Variants in SLC16A7 observed in about 807,000 individuals in gnomAD.
The protein encoded by SLC16A7 is solute carrier family 16 member 7, also known as monocarboxylate transporter 2.
In SLC16A7, 33 loss-of-function variants were observed where a neutral mutation model predicts 34.9. The ratio of observed to expected loss-of-function variants is 0.94; its 90% CI spans 0.72 to 1.26. The LOEUF is 1.26. SLC16A7 is among the 50% of genes most tolerant of loss of function. SLC16A7 has a pLI of 0.00. For synonymous variants in SLC16A7, 201 were observed against 206.6 expected, an observed-to-expected ratio of 0.97 and a Z score of 0.23; for missense variants, 573 against 578.1, an observed-to-expected ratio of 0.99 and a Z score of 0.09.
intron 2 of SLC16A7, chr12:59,689,569 A>T (rs891855100): frequency 6.6e-6 from 1 of 151,978 alleles, no homozygotes; most frequent in Non-Finnish European, 1.5e-5. Flanking sequence ...GAATCTCATC[A>T]TTGATATCAG....
intron 1 of SLC16A7, among the ~76,000 whole-genome samples, chr12:59,651,409 G>A (rs1326198687): frequency 2.6e-5 from 4 of 152,046 alleles, no homozygotes; most frequent in Admixed American, 2.6e-4. Context: ...CTTGCTTAGA[G>A]ATTTTAAGTT....
chr12:59,716,502 A>G (rs546734762), intron 3 of SLC16A7, among the ~76,000 whole-genome samples: 22 of 152,318 alleles, frequency 1.4e-4, no homozygotes, highest in Non-Finnish European at 2.2e-4. Flanking sequence ...AAATTTTCCA[A>G]TCTTCTCCCA....
chr12:59,752,089 C>A (rs1879655417), intron 3 of SLC16A7, among the ~76,000 whole-genome samples: 1 of 152,058 alleles, frequency 6.6e-6, no homozygotes, highest in African/African-American at 2.4e-5. Flanking sequence ...AGGACATCCA[C>A]ACCAAAAACC....
At chr12:59,762,016 T>C (rs1463325971) in intron 3 of SLC16A7, among the ~76,000 whole-genome samples, 1 of 152,070 alleles carries the variant, frequency 6.6e-6, no homozygotes, top group Non-Finnish European at 1.5e-5. Flanking sequence ...CCATCTTTCT[T>C]TGGGCCCTCA....
intron 1 of SLC16A7, among the ~76,000 whole-genome samples, chr12:59,608,417 G>A (rs1019660092): frequency 6.6e-6 from 1 of 152,316 alleles, no homozygotes. Context: ...GGCAGAAACT[G>A]CAGAATTGTT....
Position 59,779,689 on chromosome 12 carries a change from CATCTCTG to C in SLC16A7, c.*13_*19del. On this transcript the variant is annotated 3_prime_UTR_variant, in exon 6 of 6. Transcript: ENST00000547379. The stretch of plus-strand genomic sequence containing the variant: ...AGAAACTAACATTTAACAAGAATCA[CATCTCTG>C]ATTTCAGTGTTTATGACTTTATCTA... The C allele has an allele frequency of 6.3e-7, 1 of 1,598,202 alleles. No homozygotes were observed. Among genetic ancestry groups the C allele is most frequent in the Non-Finnish European group, 8.5e-7 (1 of 1,170,348 alleles).
chr12:59,740,802 C>G lies in SLC16A7; in HGVS notation c.218-30417C>G, dbSNP rs1298356246. On this transcript the variant is annotated intron_variant, in intron 3 of 5. Coordinates refer to ENST00000547379, the MANE Select transcript of SLC16A7 (RefSeq NM_001270623.2). ...GTTTGCAGATGACATGACTGTATATCTAGAAAACCCCAATGTCTCAGCCCA... is the reference window on the plus strand; with the variant it reads ...GTTTGCAGATGACATGACTGTATATGTAGAAAACCCCAATGTCTCAGCCCA... 5.3e-5 allele frequency among the ~76,000 whole-genome samples: 8 copies of G among 152,168 alleles called. No individual in the cohort carries two copies. In the East Asian group the frequency reaches 1.5e-3, roughly 29 times the overall value.
intron 1 of SLC16A7, among the ~76,000 whole-genome samples, chr12:59,641,011 A>G (rs1374509862): frequency 6.6e-6 from 1 of 152,040 alleles, no homozygotes; most frequent in African/African-American, 2.4e-5. Context: ...AAAAATATAT[A>G]TATTTATATG....
chr12:59,690,029 A>G (rs1275986132), intron 2 of SLC16A7, among the ~76,000 whole-genome samples: 1 of 151,984 alleles, frequency 6.6e-6, no homozygotes, highest in Non-Finnish European at 1.5e-5. Context: ...GTAAGATTTC[A>G]TTCCTAGAAA....
intron 1 of SLC16A7, among the ~76,000 whole-genome samples, chr12:59,635,214 C>T (rs1428270623): frequency 2.0e-5 from 3 of 152,050 alleles, no homozygotes; most frequent in African/African-American, 7.2e-5. Context: ...CTATAAATCT[C>T]AGCTTGGAGT....
Position 59,706,362 on chromosome 12 carries a change from C to CTGTGTGTG in SLC16A7, c.217+1360_217+1367dup, listed in dbSNP as rs35397986. 3.2e-3 allele frequency among the ~76,000 whole-genome samples: 487 copies of CTGTGTGTG among 150,212 alleles called. 5 individuals carry two copies. The highest frequency in any genetic ancestry group is 0.02 in the South Asian group (95 of 4,730). On this transcript the variant is annotated intron_variant, in intron 3 of 5. Coordinates refer to ENST00000547379, the MANE Select transcript of SLC16A7 (RefSeq NM_001270623.2). ...AAACAGTTGATCCTGAAATAATTCC[C>CTGTGTGTG]TGTGTGTGTGTGTGTGTGTGTGTTT... is the stretch of plus-strand genomic sequence containing the variant.
chr12:59,738,645 C>G (rs1322960621), intron 3 of SLC16A7, among the ~76,000 whole-genome samples: 1 of 152,198 alleles, frequency 6.6e-6, no homozygotes. Context: ...GGGTTTATGG[C>G]AGGGAATAGT....
intron 5 of SLC16A7, among the ~76,000 whole-genome samples, chr12:59,775,996 G>A (rs1008850889): frequency 2.0e-5 from 3 of 152,116 alleles, no homozygotes; most frequent in South Asian, 2.1e-4. Flanking sequence ...TATAGAGAAA[G>A]ACAGGGATGA....
chr12:59,654,616 CATT>C (rs1426050101), intron 1 of SLC16A7, among the ~76,000 whole-genome samples: 1 of 151,612 alleles, frequency 6.6e-6, no homozygotes, highest in Non-Finnish European at 1.5e-5. Flanking sequence ...TTAATTAAGA[CATT>C]AATGTAAATA....
chr12:59,765,905 T>A (rs1319622401), intron 3 of SLC16A7, among the ~76,000 whole-genome samples: 1 of 152,144 alleles, frequency 6.6e-6, no homozygotes, highest in Non-Finnish European at 1.5e-5. Flanking sequence ...TGGCATTGAA[T>A]CTATAAATTA....
At chr12:59,738,262 G>T (rs1005578832) in intron 3 of SLC16A7, among the ~76,000 whole-genome samples, 7 of 152,030 alleles carry the variant, frequency 4.6e-5, no homozygotes, top group Non-Finnish European at 8.8e-5. Flanking sequence ...TTCTGCCAAG[G>T]AATTATTTTA....
intron 1 of SLC16A7, among the ~76,000 whole-genome samples, chr12:59,647,930 G>A (rs922974241): frequency 4.6e-5 from 7 of 152,086 alleles, no homozygotes; most frequent in Non-Finnish European, 8.8e-5. Context: ...GAACATGCCT[G>A]TAGTCCCTGC....
intron 1 of SLC16A7, among the ~76,000 whole-genome samples, chr12:59,619,208 A>C (rs1164891334): frequency 6.6e-6 from 1 of 152,100 alleles, no homozygotes; most frequent in Non-Finnish European, 1.5e-5. Context: ...GGAAATTTAC[A>C]TTCCTGATTT....
At chr12:59,695,242 C>T (rs1180489548) in intron 2 of SLC16A7, among the ~76,000 whole-genome samples, 2 of 151,800 alleles carry the variant, frequency 1.3e-5, no homozygotes, top group Non-Finnish European at 2.9e-5. Flanking sequence ...GGAAGTTCTC[C>T]CTGCCAGAGG....
Sources: allele counts gnomAD v4.1 joint callset (sites outside exome capture counted in the v4.1 genomes callset), GRCh38; gene constraint gnomAD v4.1.1; transcripts MANE v1.5; gene names NCBI Gene and HGNC (gene_info 2026-07-23, HGNC 2026-07-21).